The following CIMIP4 variants were observed in gnomAD, a reference collection of about 807,000 sequenced individuals.
The protein encoded by CIMIP4 is protein EAN57.
At chr22:37,000,683 A>G in the CIMIP4 span, among the ~76,000 whole-genome samples, 1 of 152,224 alleles carries the variant, frequency 6.6e-6, no homozygotes, top group Non-Finnish European at 1.5e-5. Flanking sequence ...CACTTGTGAC[A>G]TAAGTTACAG....
At chr22:36,994,147 G>A in the CIMIP4 span, among the ~76,000 whole-genome samples, 1 of 152,102 alleles carries the variant, frequency 6.6e-6, no homozygotes, top group South Asian at 2.1e-4. Flanking sequence ...AGAACCACAG[G>A]ACAAATGGAC....
At chr22:36,994,380 G>A in the CIMIP4 span, among the ~76,000 whole-genome samples, 4 of 152,012 alleles carry the variant, frequency 2.6e-5, no homozygotes, top group South Asian at 2.1e-4. Context: ...GTGCAGTGGC[G>A]CGATCTCCGC....
the CIMIP4 span, among the ~76,000 whole-genome samples, chr22:36,998,008 C>T: frequency 6.6e-6 from 1 of 152,192 alleles, no homozygotes; most frequent in Non-Finnish European, 1.5e-5. Flanking sequence ...AATTTTAAGA[C>T]AGCATTTATG....
the CIMIP4 span, among the ~76,000 whole-genome samples, chr22:36,992,666 CTTCTT>C: frequency 6.6e-6 from 1 of 152,028 alleles, no homozygotes; most frequent in African/African-American, 2.4e-5. Context: ...ACTAAGTTCT[CTTCTT>C]TTCCATAAGC....
the CIMIP4 span, chr22:37,004,032 A>T: frequency 6.5e-7 from 1 of 1,542,844 alleles, no homozygotes; most frequent in Non-Finnish European, 8.8e-7. Flanking sequence ...AGTCCTGTAA[A>T]CAAAGCACCA....
chr22:37,006,237 C>A, the CIMIP4 span, among the ~76,000 whole-genome samples: 4 of 152,146 alleles, frequency 2.6e-5, no homozygotes, highest in South Asian at 8.3e-4. Context: ...TGAAAAGATA[C>A]CATTGAACAA....
At chr22:36,995,705 G>A in the CIMIP4 span, among the ~76,000 whole-genome samples, 1 of 152,084 alleles carries the variant, frequency 6.6e-6, no homozygotes, top group African/African-American at 2.4e-5. Flanking sequence ...GCTTTATAAG[G>A]GGAAACTTCT....
At chr22:37,000,890 T>C in the CIMIP4 span, among the ~76,000 whole-genome samples, 1 of 152,160 alleles carries the variant, frequency 6.6e-6, no homozygotes. Context: ...GTGGGGTCAC[T>C]GCACTTTAAG....
chr22:37,005,166 G>T, the CIMIP4 span, among the ~76,000 whole-genome samples: 4,250 of 152,200 alleles, frequency 0.028, 197 homozygotes, highest in African/African-American at 0.097. Flanking sequence ...AGTCTTTGAA[G>T]AACTGAATGA....
chr22:36,999,937 G>C, the CIMIP4 span: 2 of 1,613,998 alleles, frequency 1.2e-6, no homozygotes, highest in Admixed American at 3.3e-5. Flanking sequence ...TGGGCCATGA[G>C]CTTGCCCTTT....
At chr22:36,999,813 G>T in the CIMIP4 span, 6 of 1,600,630 alleles carry the variant, frequency 3.7e-6, no homozygotes, top group East Asian at 1.3e-4. Context: ...GGGTGTTCAC[G>T]GCCCCACCCT....
the CIMIP4 span, among the ~76,000 whole-genome samples, chr22:36,996,746 G>T: frequency 6.6e-6 from 1 of 152,294 alleles, no homozygotes; most frequent in East Asian, 1.9e-4. Flanking sequence ...TGATGGTGGT[G>T]GAGGGGTGGT....
At chr22:37,003,873 C>G in the CIMIP4 span, 1 of 1,334,274 alleles carries the variant, frequency 7.5e-7, no homozygotes, top group South Asian at 1.5e-5. Flanking sequence ...CAAGACGGAG[C>G]GGGAGGAGAA....
chr22:37,006,579 A>AG, the CIMIP4 span, among the ~76,000 whole-genome samples: 5 of 152,366 alleles, frequency 3.3e-5, no homozygotes, highest in East Asian at 9.6e-4. Context: ...GAGGAGCCTC[A>AG]GCCACACCTG....
chr22:36,996,526 A>T, the CIMIP4 span, among the ~76,000 whole-genome samples: 1 of 152,160 alleles, frequency 6.6e-6, no homozygotes, highest in Non-Finnish European at 1.5e-5. Context: ...TTACTGAGAG[A>T]TATCGAAGGA....
chr22:37,000,391 T>A, the CIMIP4 span, among the ~76,000 whole-genome samples: 1 of 152,082 alleles, frequency 6.6e-6, no homozygotes. Context: ...CTCCTACAAC[T>A]GAGGCACCAC....
At chr22:36,998,490 A>T in the CIMIP4 span, among the ~76,000 whole-genome samples, 5 of 152,196 alleles carry the variant, frequency 3.3e-5, no homozygotes, top group East Asian at 9.7e-4. Flanking sequence ...GCCAAACCAG[A>T]ATGTGGGGCA....
chr22:36,991,360 C>T, the CIMIP4 span: 5 of 1,559,622 alleles, frequency 3.2e-6, no homozygotes, highest in East Asian at 1.1e-4. Context: ...ATGACTCGTA[C>T]CTCTTCCAAG....
At chr22:36,991,242 G>T in the CIMIP4 span, 1 of 1,614,162 alleles carries the variant, frequency 6.2e-7, no homozygotes, top group African/African-American at 1.3e-5. Flanking sequence ...CTTTCTGCAA[G>T]TTCAGGTTCA....
Sources: gnomAD v4.1 joint callset for allele counts (sites outside exome capture counted in the v4.1 genomes callset) on GRCh38, gnomAD v4.1.1 for gene constraint, MANE v1.5 for transcripts, NCBI Gene and HGNC (gene_info 2026-07-23, HGNC 2026-07-21) for gene names.